Variants in JAK1 observed in about 807,000 individuals in gnomAD.
JAK1 encodes the protein Janus kinase 1, also known as tyrosine-protein kinase JAK1.
In JAK1, 16 loss-of-function variants were observed where a neutral mutation model predicts 136.6. The observed-to-expected ratio is 0.12, with a 90% confidence interval of 0.08 to 0.18. The LOEUF (loss-of-function observed/expected upper bound fraction) is 0.18, where lower values mean the gene tolerates loss of function less well. JAK1 is among the 10% of genes least tolerant of loss of function. The pLI is 1.00. For missense variants in JAK1, 859 were observed against 1,450.1 expected (o/e 0.59, Z 6.62); for synonymous variants, 492 against 519.5 (o/e 0.95, Z 0.72).
At chr1:65,050,662 T>G (rs1647259029) in intron 1 of JAK1, among the ~76,000 whole-genome samples, 1 of 152,144 alleles carries the variant, frequency 6.6e-6, no homozygotes. Flanking sequence ...CAGAGGTAAC[T>G]CCAGCTGAAG....
chr1:64,844,672 G>A lies in JAK1; in HGVS notation c.2251+82C>T, dbSNP rs1461840684. 1.6e-5 allele frequency: 25 copies of A among 1,549,780 alleles called. No homozygotes were observed. The highest frequency in any genetic ancestry group is 2.1e-5 in the Non-Finnish European group (24 of 1,127,510). On this transcript the variant is annotated intron_variant, in intron 16 of 24. Transcript: ENST00000342505. This position sits in a 1 kb window ranked among gnomAD's most constrained non-coding sequence, Gnocchi z 5.7. ...AAAAAAAAATGACTCTCTAAAAGGA[G>A]ACCAACCCCAGCCCAGCCCTTCTCT...
intron 4 of JAK1, among the ~76,000 whole-genome samples, chr1:64,878,112 T>G (rs1385372545): frequency 6.6e-6 from 1 of 152,190 alleles, no homozygotes; most frequent in Non-Finnish European, 1.5e-5. Context: ...ATCCCTGCAT[T>G]CTATTAGCAT....
At chr1:64,838,140 A>C (rs762494617) in intron 21 of JAK1, 36 bp from the exon 22 acceptor site, 1 of 1,576,490 alleles carries the variant, frequency 6.3e-7, no homozygotes, top group African/African-American at 1.4e-5. Context: ...CACATTGCTA[A>C]AGTCACTTTA....
chr1:65,022,203 T>C (rs1646943644), intron 2 of JAK1, among the ~76,000 whole-genome samples: 1 of 152,238 alleles, frequency 6.6e-6, no homozygotes, highest in African/African-American at 2.4e-5. Flanking sequence ...TGAGTGCATT[T>C]TAATGTGTTT....
chr1:64,928,792 A>AC (rs1325221546), intron 1 of JAK1, among the ~76,000 whole-genome samples: 1 of 125,502 alleles, frequency 8.0e-6, no homozygotes, highest in African/African-American at 3.6e-5. Context: ...AAAAAAAAAA[A>AC]AAAACAAAAA....
chr1:65,031,864 T>A (rs74860172), intron 2 of JAK1, among the ~76,000 whole-genome samples: 9,853 of 152,138 alleles, frequency 0.065, 397 homozygotes, highest in South Asian at 0.1. Context: ...AATTTGAGAC[T>A]GTATCAAAAT....
At chr1:64,930,454 C>T (rs1189999388) in intron 1 of JAK1, among the ~76,000 whole-genome samples, 1 of 152,106 alleles carries the variant, frequency 6.6e-6, no homozygotes, top group Non-Finnish European at 1.5e-5. Context: ...GATGAGATAC[C>T]ATCTCATGCC....
At chr1:64,954,971 C>A (rs1646156831) in intron 1 of JAK1, among the ~76,000 whole-genome samples, 1 of 152,160 alleles carries the variant, frequency 6.6e-6, no homozygotes, top group Admixed American at 6.5e-5. Context: ...ATTTATTTAT[C>A]TAAGCCACTG....
rs199920803 is a variant in JAK1 at position 64,847,673 on chromosome 1, G to A, written c.1758C>T (p.Gly586=). 45 of 1,613,676 alleles carry A rather than the reference G, an allele frequency of 2.8e-5. No homozygotes were observed. In the African/African-American group the frequency reaches 3.9e-4, roughly 14 times the overall value. Residue 586 remains glycine, a splice_region_variant and synonymous_variant, in exon 13 of 25, where the codon GGC becomes GGT. Coordinates refer to ENST00000342505, the MANE Select transcript of JAK1 (RefSeq NM_002227.4). The stretch of plus-strand genomic sequence containing the variant: ...TTCTCGTGCCTCTCCCAAGGTGCTC[G>A]CCCTGAGGGAAGAAGCAGAAGGCTG... ...DRILKKDLVQ[G]EHLGRGTRTH...
At chr1:64,847,218 A>G (rs1477363732) in intron 13 of JAK1, among the ~76,000 whole-genome samples, 2 of 152,190 alleles carry the variant, frequency 1.3e-5, no homozygotes, top group Non-Finnish European at 2.9e-5. Flanking sequence ...CATGGACTGT[A>G]TCAGGAACTT....
chr1:64,961,902 G>A (rs139758668), intron 1 of JAK1, among the ~76,000 whole-genome samples: 1 of 152,214 alleles, frequency 6.6e-6, no homozygotes, highest in East Asian at 1.9e-4. Flanking sequence ...TATAAACTAT[G>A]TCTTATCCTT....
chr1:64,950,859 C>A (rs935122199), intron 1 of JAK1, among the ~76,000 whole-genome samples: 1 of 152,190 alleles, frequency 6.6e-6, no homozygotes, highest in Non-Finnish European at 1.5e-5. Context: ...GATTAAAAAA[C>A]AATCCCTAAA....
At chr1:64,848,343 C>A (rs750970083) in intron 12 of JAK1, among the ~76,000 whole-genome samples, 6 of 152,186 alleles carry the variant, frequency 3.9e-5, no homozygotes, top group Non-Finnish European at 8.8e-5. Flanking sequence ...ACACTGGAAC[C>A]ATCTGTTTCC....
intron 1 of JAK1, among the ~76,000 whole-genome samples, chr1:64,906,097 T>C (rs1413636786): frequency 4.6e-5 from 7 of 152,082 alleles, no homozygotes; most frequent in East Asian, 1.9e-4. Flanking sequence ...GAGTTCAAGA[T>C]CAGCCTGACC....
chr1:64,986,933 A>G (rs756634361), intron 2 of JAK1, among the ~76,000 whole-genome samples: 5 of 152,154 alleles, frequency 3.3e-5, no homozygotes, highest in South Asian at 2.1e-4. Context: ...GGCATATTGT[A>G]AGCTCTTTAT....
At chr1:65,003,121 CGT>C (rs1424883947) in intron 2 of JAK1, among the ~76,000 whole-genome samples, 1 of 151,476 alleles carries the variant, frequency 6.6e-6, no homozygotes, top group Non-Finnish European at 1.5e-5. Context: ...CAATTCTTAC[CGT>C]GGAACAGCCG....
At chr1:64,845,266 T>TA in intron 15 of JAK1, among the ~76,000 whole-genome samples, 1 of 152,174 alleles carries the variant, frequency 6.6e-6, no homozygotes, top group South Asian at 2.1e-4. Flanking sequence ...TATGCTGCAG[T>TA]ATGCAAGTCG....
chr1:64,855,173 A>T (rs1417391664), intron 11 of JAK1, among the ~76,000 whole-genome samples: 1 of 152,228 alleles, frequency 6.6e-6, no homozygotes, highest in African/African-American at 2.4e-5. Flanking sequence ...TGTGCCAGGA[A>T]TATCTCTCAG....
chr1:64,962,479 C>T (rs550381573), intron 1 of JAK1, among the ~76,000 whole-genome samples: 2 of 152,282 alleles, frequency 1.3e-5, no homozygotes, highest in South Asian at 4.1e-4. Context: ...GGATCATAAA[C>T]CCTCAGAAGT....
Sources: allele counts gnomAD v4.1 joint callset (sites outside exome capture counted in the v4.1 genomes callset), GRCh38; gene constraint gnomAD v4.1.1; non-coding constraint Gnocchi (gnomAD v3.1); transcripts MANE v1.5; gene names NCBI Gene and HGNC (gene_info 2026-07-23, HGNC 2026-07-21).